RASSF2: variants seen among roughly 807,000 people sequenced by gnomAD.
The protein encoded by RASSF2 is Ras association domain family member 2.
RASSF2 carries 34 observed loss-of-function variants against 46.3 expected under a neutral mutation model. The observed-to-expected ratio is 0.73, with a 90% confidence interval of 0.56 to 0.98. The LOEUF is 0.98. Ranked by LOEUF, RASSF2 falls within the 50% of genes least tolerant of loss-of-function variation. The pLI, the probability that RASSF2 is intolerant of heterozygous loss-of-function variation, is 0.00. For synonymous variants in RASSF2, 158 were observed against 162.5 expected, an observed-to-expected ratio of 0.97 and a Z score of 0.21; for missense variants, 364 against 431.2, an observed-to-expected ratio of 0.84 and a Z score of 1.38.
At chr20:4,816,068 G>A (rs914220169) in intron 2 of RASSF2, among the ~76,000 whole-genome samples, 6 of 152,192 alleles carry the variant, frequency 3.9e-5, no homozygotes, top group Admixed American at 1.3e-4. Flanking sequence ...TTGGGAGGCC[G>A]AGACGGGAGG....
Position 4,784,359 on chromosome 20 carries a change from G to C in RASSF2, c.912-17C>G, listed in dbSNP as rs116147990. 1.2e-6 allele frequency: 2 copies of C among 1,611,592 alleles called. No homozygotes were observed. Among genetic ancestry groups the C allele is most frequent in the Non-Finnish European group, 1.7e-6 (2 of 1,177,888 alleles). On this transcript the variant is annotated splice_polypyrimidine_tract_variant and intron_variant, in intron 11 of 11. Coordinates refer to ENST00000379400, the MANE Select transcript of RASSF2 (RefSeq NM_014737.3). ...ACGGTGTACCTGGAGACAAGAAACA[G>C]GCTCAGATGGAGAGCAGCCAGCAAC...
At position 4,782,409 on chromosome 20, in the gene RASSF2, A is replaced by T. The variant is rs1351430181; in HGVS notation, c.*1864T>A. 1 of 152,676 alleles carries T rather than the reference A, an allele frequency of 6.5e-6. No individual in the cohort carries two copies. Among genetic ancestry groups the T allele is most frequent in the Non-Finnish European group, 1.5e-5 (1 of 68,044 alleles). 9.5% of individuals were successfully genotyped at this position (152,676 alleles called of 1,614,324 possible). A position where few individuals can be genotyped will look rare whatever the true frequency, so the allele number is the denominator to read the frequency against. Reference sequence around the variant, plus strand: ...TGCATTCACAGAACTGTTCTTTCCCAGCTGTAACAAAGGAAGCCTCTCCCG... The same window carrying T: ...TGCATTCACAGAACTGTTCTTTCCCTGCTGTAACAAAGGAAGCCTCTCCCG... On this transcript the variant is annotated 3_prime_UTR_variant, in exon 12 of 12. Transcript: ENST00000379400.
At chr20:4,804,403 T>C (rs1463071100) in intron 2 of RASSF2, among the ~76,000 whole-genome samples, 7 of 140,876 alleles carry the variant, frequency 5.0e-5, no homozygotes, top group Non-Finnish European at 9.1e-5. Flanking sequence ...AGTGGTGCGA[T>C]CTCAGCTCAC....
chr20:4,801,332 C>A (rs1926849007), intron 2 of RASSF2, among the ~76,000 whole-genome samples: 1 of 152,208 alleles, frequency 6.6e-6, no homozygotes, highest in African/African-American at 2.4e-5. Flanking sequence ...ACAGAGCACA[C>A]TGACAGCCAC....
chr20:4,797,689 G>A (rs938775462), intron 4 of RASSF2, among the ~76,000 whole-genome samples: 3 of 152,154 alleles, frequency 2.0e-5, no homozygotes, highest in South Asian at 2.1e-4. Context: ...ATTGCCCAAC[G>A]AGAGAACGTC....
intron 2 of RASSF2, among the ~76,000 whole-genome samples, chr20:4,805,506 C>T (rs906287915): frequency 6.6e-6 from 1 of 152,250 alleles, no homozygotes; most frequent in East Asian, 1.9e-4. Context: ...TTCAAGACTT[C>T]TGGACTCCAG....
intron 3 of RASSF2, among the ~76,000 whole-genome samples, chr20:4,799,614 C>T (rs1288471739): frequency 6.6e-6 from 1 of 152,156 alleles, no homozygotes; most frequent in Non-Finnish European, 1.5e-5. Context: ...AAATGTGATT[C>T]GAAATCACCT....
chr20:4,819,214 C>T (rs904761615), intron 2 of RASSF2, among the ~76,000 whole-genome samples: 18 of 152,292 alleles, frequency 1.2e-4, no homozygotes, highest in Non-Finnish European at 2.2e-4. Flanking sequence ...CCACCCACCT[C>T]GGCCTCCCAA....
At chr20:4,787,582 C>A in intron 10 of RASSF2, 51 bp downstream of exon 10, 6 of 1,611,652 alleles carry the variant, frequency 3.7e-6, no homozygotes, top group Non-Finnish European at 5.1e-6. Flanking sequence ...GGTGGTCCAA[C>A]CAAATCCCCA....
At chr20:4,813,088 G>A (rs78595158) in intron 2 of RASSF2, among the ~76,000 whole-genome samples, 3,058 of 152,226 alleles carry the variant, frequency 0.02, 91 homozygotes, top group African/African-American at 0.069. Flanking sequence ...CACACTGGGT[G>A]GGACACTGAG....
intron 2 of RASSF2, among the ~76,000 whole-genome samples, chr20:4,805,572 T>C (rs1927278034): frequency 6.6e-6 from 1 of 152,074 alleles, no homozygotes. Context: ...GTCATTTTTC[T>C]CGGCAGCAAG....
chr20:4,803,059 G>T (rs1232796073), intron 2 of RASSF2, among the ~76,000 whole-genome samples: 2 of 151,900 alleles, frequency 1.3e-5, no homozygotes, highest in African/African-American at 4.8e-5. Flanking sequence ...AAAGGCATAT[G>T]CCATGATGCC....
intron 10 of RASSF2, among the ~76,000 whole-genome samples, chr20:4,787,007 A>G (rs966577290): frequency 6.6e-6 from 1 of 151,726 alleles, no homozygotes; most frequent in African/African-American, 2.4e-5. Context: ...AGCTTGAACC[A>G]GGGAGGTGCC....
chr20:4,781,536 C>G lies in RASSF2; in HGVS notation c.*2737G>C, dbSNP rs1326541703. The G allele has an allele frequency of 6.6e-6, 1 of 152,170 alleles. No individual in the cohort carries two copies. Among genetic ancestry groups the G allele is most frequent in the Non-Finnish European group, 1.5e-5 (1 of 68,042 alleles). 9.4% of individuals were successfully genotyped at this position (152,170 alleles called of 1,614,324 possible). ...TATCTTTTGTGCTTTTCAGCCTCTC[C>G]CCAAGATAATCCCCACCCCCTGCCA... On this transcript the variant is annotated 3_prime_UTR_variant, in exon 12 of 12. Coordinates refer to ENST00000379400, the MANE Select transcript of RASSF2 (RefSeq NM_014737.3).
intron 7 of RASSF2, among the ~76,000 whole-genome samples, chr20:4,789,964 G>A (rs1321700440): frequency 1.3e-5 from 2 of 152,132 alleles, no homozygotes; most frequent in Non-Finnish European, 2.9e-5. Context: ...TATTGCCTCC[G>A]GGGGTAGGAT....
At chr20:4,807,355 CAA>C (rs1055251295) in intron 2 of RASSF2, among the ~76,000 whole-genome samples, 4 of 142,822 alleles carry the variant, frequency 2.8e-5, no homozygotes, top group African/African-American at 7.8e-5. Context: ...GGAAACTATA[CAA>C]AGTCAAAAAG....
chr20:4,801,798 G>T, intron 2 of RASSF2, among the ~76,000 whole-genome samples: 1 of 152,092 alleles, frequency 6.6e-6, no homozygotes, highest in Non-Finnish European at 1.5e-5. Flanking sequence ...GAGTGCAGTG[G>T]TATGACCTCA....
chr20:4,781,132 C>G lies in RASSF2; in HGVS notation c.*3141G>C, dbSNP rs989531809. Reference sequence around the variant, plus strand: ...CCTTTTCTTAAGAGAGCTTCTTGCTCTTCTGTGGCCAATTTCTTCACTCTC... The same window carrying G: ...CCTTTTCTTAAGAGAGCTTCTTGCTGTTCTGTGGCCAATTTCTTCACTCTC... On this transcript the variant is annotated 3_prime_UTR_variant, in exon 12 of 12. Coordinates refer to ENST00000379400, the MANE Select transcript of RASSF2 (RefSeq NM_014737.3). 5 of 152,084 alleles carry G rather than the reference C, an allele frequency of 3.3e-5. No individual in the cohort carries two copies. The highest frequency in any genetic ancestry group is 3.2e-3 in the Middle Eastern group (1 of 314). The allele number at this position is 152,084 out of a possible 1,614,324, so 9.4% of individuals were successfully genotyped here.
chr20:4,800,103 G>T (rs10427432), intron 3 of RASSF2, among the ~76,000 whole-genome samples: 79,004 of 150,800 alleles, frequency 0.52, 20,794 homozygotes, highest in African/African-American at 0.56. Flanking sequence ...CAGAGGGAGA[G>T]TCCTTCTAAA....
Sources: allele counts gnomAD v4.1 joint callset (sites outside exome capture counted in the v4.1 genomes callset), GRCh38; gene constraint gnomAD v4.1.1; transcripts MANE v1.5; gene names NCBI Gene and HGNC (gene_info 2026-07-23, HGNC 2026-07-21).